Variants in CNTNAP2 observed in about 807,000 individuals in gnomAD.
The protein encoded by CNTNAP2 is contactin associated protein 2.
A neutral mutation model predicts 155.2 loss-of-function variants in CNTNAP2; 98 were observed. That is an observed-to-expected ratio of 0.63 (90% CI 0.54 to 0.75). The LOEUF is 0.75. CNTNAP2 is among the 30% of genes least tolerant of loss of function. The pLI is 0.00. For synonymous variants in CNTNAP2, 651 were observed against 631.2 expected (o/e 1.03, Z -0.47); for missense variants, 1,727 against 1,688.1 (o/e 1.02, Z -0.40).
At chr7:148,123,461 C>G (rs888257941) in intron 16 of CNTNAP2, among the ~76,000 whole-genome samples, 1 of 152,030 alleles carries the variant, frequency 6.6e-6, no homozygotes, top group African/African-American at 2.4e-5. Context: ...GCATGGTTGG[C>G]TGCACCTGTA....
At chr7:147,155,899 C>T (rs146410391) in intron 8 of CNTNAP2, among the ~76,000 whole-genome samples, 3 of 152,152 alleles carry the variant, frequency 2.0e-5, no homozygotes, top group East Asian at 1.9e-4. Flanking sequence ...AGTACAGGTG[C>T]CTGCCATGTG....
chr7:146,566,349 A>G (rs1798356460), intron 1 of CNTNAP2, among the ~76,000 whole-genome samples: 1 of 152,240 alleles, frequency 6.6e-6, no homozygotes, highest in Admixed American at 6.5e-5. Flanking sequence ...TCATACGAAA[A>G]TAAAAGGCAT....
rs533488005 is a variant in CNTNAP2 at position 146,274,196 on chromosome 7, G to A, written c.97+157223G>A. ...ATAGCGCCTGAAGGGGCAAAATCAA[G>A]TTATTCCAAGTCAAGCACAATGCTG... On this transcript the variant is annotated intron_variant, in intron 1 of 23. Coordinates refer to ENST00000361727, the MANE Select transcript of CNTNAP2 (RefSeq NM_014141.6). Among the ~76,000 whole-genome samples, 309 of 152,312 alleles carry A rather than the reference G, an allele frequency of 2.0e-3. 3 individuals carry two copies. The highest frequency in any genetic ancestry group is 7.0e-3 in the African/African-American group (290 of 41,576).
chr7:147,752,129 G>A (rs1489130912), intron 13 of CNTNAP2, among the ~76,000 whole-genome samples: 3 of 152,296 alleles, frequency 2.0e-5, no homozygotes, highest in Admixed American at 6.5e-5. Flanking sequence ...ATGAACACCA[G>A]ACGATGTTCT....
At chr7:147,230,758 T>A (rs570073770) in intron 8 of CNTNAP2, among the ~76,000 whole-genome samples, 4 of 152,260 alleles carry the variant, frequency 2.6e-5, no homozygotes, top group South Asian at 4.1e-4. Flanking sequence ...CCACACCCTA[T>A]CCCCTGACAA....
At chr7:147,938,098 C>T (rs138606276) in intron 14 of CNTNAP2, among the ~76,000 whole-genome samples, 7 of 152,124 alleles carry the variant, frequency 4.6e-5, no homozygotes, top group Non-Finnish European at 8.8e-5. Flanking sequence ...ATTTTGACCC[C>T]ATGTCTGACT....
intron 14 of CNTNAP2, among the ~76,000 whole-genome samples, chr7:147,906,719 C>T (rs1235790472): frequency 6.6e-6 from 1 of 152,170 alleles, no homozygotes; most frequent in Non-Finnish European, 1.5e-5. Flanking sequence ...CTCGGCCTCC[C>T]AAAGTGCTGG....
At chr7:146,388,169 G>A (rs976995581) in intron 1 of CNTNAP2, among the ~76,000 whole-genome samples, 5 of 150,952 alleles carry the variant, frequency 3.3e-5, no homozygotes, top group Non-Finnish European at 5.9e-5. Flanking sequence ...GAGGTCTCAC[G>A]TTGGTAATCC....
At chr7:146,151,441 A>C (rs1379214341) in intron 1 of CNTNAP2, among the ~76,000 whole-genome samples, 1 of 150,808 alleles carries the variant, frequency 6.6e-6, no homozygotes, top group African/African-American at 2.4e-5. Context: ...TCTCTGCTTT[A>C]TGAATTCAAT....
intron 1 of CNTNAP2, among the ~76,000 whole-genome samples, chr7:146,411,937 A>G: frequency 6.6e-6 from 1 of 151,772 alleles, no homozygotes. Flanking sequence ...CCCTGGTTCA[A>G]GTGATTCTCC....
chr7:147,009,910 A>T (rs550061085), intron 3 of CNTNAP2, among the ~76,000 whole-genome samples: 4 of 152,070 alleles, frequency 2.6e-5, no homozygotes, highest in Non-Finnish European at 5.9e-5. Context: ...ACTGATGTAA[A>T]TTTCTATGTA....
In CNTNAP2 at chr7:146,451,868, T is replaced by C. The variant is rs560749198; in HGVS notation, c.98-322403T>C. Among the ~76,000 whole-genome samples, 431 of 63,410 alleles carry C rather than the reference T, an allele frequency of 6.8e-3. 10 individuals carry two copies. Among genetic ancestry groups the C allele is most frequent in the African/African-American group, 0.042 (290 of 6,984 alleles). 41.6% of individuals were successfully genotyped at this position (63,410 alleles called of 152,430 possible). ...TATACACGTATTCTATATATATATA[T>C]ACGTATATATACACATATACATATA... On this transcript the variant is annotated intron_variant, in intron 1 of 23. Coordinates refer to ENST00000361727, the MANE Select transcript of CNTNAP2 (RefSeq NM_014141.6).
At chr7:148,323,500 A>G (rs74390000) in intron 21 of CNTNAP2, among the ~76,000 whole-genome samples, 2,043 of 150,886 alleles carry the variant, frequency 0.014, 51 homozygotes, top group East Asian at 0.06. Context: ...ACCCGTATAG[A>G]GTGTCTGGTT....
chr7:146,868,071 TG>T (rs1795239948), intron 3 of CNTNAP2, among the ~76,000 whole-genome samples: 1 of 152,184 alleles, frequency 6.6e-6, no homozygotes, highest in Non-Finnish European at 1.5e-5. Context: ...TTGCTTTTAG[TG>T]TCTTTGTTGT....
intron 9 of CNTNAP2, among the ~76,000 whole-genome samples, chr7:147,325,994 C>T (rs1431677781): frequency 6.6e-6 from 1 of 152,162 alleles, no homozygotes; most frequent in African/African-American, 2.4e-5. Context: ...ACAATCTCGG[C>T]TCACTGCAAG....
intron 3 of CNTNAP2, among the ~76,000 whole-genome samples, chr7:146,932,757 A>G (rs963368130): frequency 7.2e-5 from 11 of 152,198 alleles, no homozygotes; most frequent in African/African-American, 2.7e-4. Flanking sequence ...TACAAAATCA[A>G]TGCACAAAAA....
chr7:146,493,377 G>T (rs1467403376), intron 1 of CNTNAP2, among the ~76,000 whole-genome samples: 1 of 152,124 alleles, frequency 6.6e-6, no homozygotes, highest in Non-Finnish European at 1.5e-5. Context: ...TAAGTAGATT[G>T]TTTTGGAGTC....
Position 147,313,854 on chromosome 7 carries a change from A to G in CNTNAP2, c.1498+13564A>G, listed in dbSNP as rs543871638. 6.6e-5 allele frequency among the ~76,000 whole-genome samples: 10 copies of G among 151,520 alleles called. No homozygotes were observed. In the South Asian group the frequency reaches 2.1e-3, roughly 32 times the overall value. ...ATTGAATCTATAAATTACCTTGGGCAGTATGGCCATTTTCACGATATTGAT... is the reference window on the plus strand; with the variant it reads ...ATTGAATCTATAAATTACCTTGGGCGGTATGGCCATTTTCACGATATTGAT... On this transcript the variant is annotated intron_variant, in intron 9 of 23. Transcript: ENST00000361727.
intron 1 of CNTNAP2, among the ~76,000 whole-genome samples, chr7:146,359,136 A>G (rs1795046011): frequency 6.6e-6 from 1 of 152,256 alleles, no homozygotes; most frequent in Non-Finnish European, 1.5e-5. Flanking sequence ...TAATTTAGAG[A>G]GAATAGGAAT....
Sources: gnomAD v4.1 joint callset for allele counts (sites outside exome capture counted in the v4.1 genomes callset) on GRCh38, gnomAD v4.1.1 for gene constraint, MANE v1.5 for transcripts, NCBI Gene and HGNC (gene_info 2026-07-23, HGNC 2026-07-21) for gene names.